Variants in STIL observed in about 807,000 individuals in gnomAD.
STIL encodes the protein SCL-interrupting locus protein.
STIL carries 55 observed loss-of-function variants against 110.1 expected under a neutral mutation model. That is an observed-to-expected ratio of 0.50 (90% confidence interval 0.40 to 0.63). The LOEUF (loss-of-function observed/expected upper bound fraction) is 0.63. STIL is among the 20% of genes least tolerant of loss of function. The probability of loss-of-function intolerance (pLI) is 0.00; values close to 1 mark genes in which losing one functional copy is unlikely to be tolerated. For synonymous variants in STIL, 481 were observed against 530.0 expected, an observed-to-expected ratio of 0.91 and a Z score of 1.27; for missense variants, 1,358 against 1,530.0, an observed-to-expected ratio of 0.89 and a Z score of 1.87.
At chr1:47,252,137 T>C (rs559378423) in intron 16 of STIL, among the ~76,000 whole-genome samples, 9 of 152,252 alleles carry the variant, frequency 5.9e-5, no homozygotes, top group African/African-American at 1.7e-4. Flanking sequence ...TCCCAGCAGA[T>C]TGGGGCACTG....
At chr1:47,277,869 G>T (rs1016983264) in intron 12 of STIL, among the ~76,000 whole-genome samples, 2 of 151,480 alleles carry the variant, frequency 1.3e-5, no homozygotes, top group Admixed American at 6.6e-5. Context: ...AAAAACAAAA[G>T]AACTCCATAC....
At chr1:47,294,293 T>C (rs1645578833) in intron 7 of STIL, among the ~76,000 whole-genome samples, 1 of 152,230 alleles carries the variant, frequency 6.6e-6, no homozygotes, top group African/African-American at 2.4e-5. Flanking sequence ...ATATACTTTA[T>C]TTTTCTGTGT....
At chr1:47,252,173 G>A (rs1324627425) in intron 16 of STIL, among the ~76,000 whole-genome samples, 1 of 152,172 alleles carries the variant, frequency 6.6e-6, no homozygotes, top group Non-Finnish European at 1.5e-5. Context: ...TTGAAGCCAG[G>A]AGTTCAAGAT....
Position 47,260,354 on chromosome 1 carries a change from G to A in STIL, c.3015C>T (p.Ser1005=). 1 of 1,613,932 alleles carries A rather than the reference G, an allele frequency of 6.2e-7. No homozygotes were observed. Among genetic ancestry groups the A allele is most frequent in the Non-Finnish European group, 8.5e-7 (1 of 1,179,938 alleles). Residue 1005 remains serine (S), a synonymous_variant, in exon 16 of 17, where the codon AGC becomes AGT. Transcript: ENST00000371877. ...TGGGAGAATCAATTTTTACTCCAAG[G>A]CTTCTTAGTTGCTTAAGAGTTGCAT... ...VLNATLKQLR[S]LGVKIDSPTK... is the part of the protein sequence containing the mutation.
At chr1:47,295,960 G>A (rs568318031) in intron 6 of STIL, 112 bp from the exon 7 acceptor site, 12 of 796,906 alleles carry the variant, frequency 1.5e-5, no homozygotes, top group East Asian at 8.0e-5. Flanking sequence ...TCAAATGAAC[G>A]TTGTCTTGCA....
At chr1:47,263,744 GTTTTTTTTTTTTT>G (rs60915271) in intron 14 of STIL, among the ~76,000 whole-genome samples, 1 of 98,308 alleles carries the variant, frequency 1.0e-5, no homozygotes, top group Admixed American at 1.2e-4. Context: ...TTCATTCCAA[GTTTTTTTTTTTTT>G]TTTTTTTTTT....
intron 10 of STIL, 156 bp from the exon 11 acceptor site, chr1:47,282,615 G>A: frequency 1.6e-6 from 1 of 607,528 alleles, no homozygotes; most frequent in Non-Finnish European, 2.9e-6. Context: ...TCAGGCCAGT[G>A]TTAGTTGACC....
At chr1:47,283,272 G>A (rs1645200959) in intron 10 of STIL, 1 of 152,202 alleles carries the variant, frequency 6.6e-6, no homozygotes, top group Admixed American at 6.5e-5. Context: ...AACAGCAGAA[G>A]AGACCTTTTG....
At chr1:47,303,990 G>C (rs1420040646) in intron 3 of STIL, among the ~76,000 whole-genome samples, 2 of 152,036 alleles carry the variant, frequency 1.3e-5, no homozygotes, top group Admixed American at 1.3e-4. Context: ...TTGCTTTACA[G>C]AGTCTTATTT....
chr1:47,285,970 G>A (rs1371070849), intron 10 of STIL, among the ~76,000 whole-genome samples: 1 of 151,872 alleles, frequency 6.6e-6, no homozygotes, highest in Non-Finnish European at 1.5e-5. Flanking sequence ...TGCCTCCCGG[G>A]TTCAAGCGAT....
intron 7 of STIL, 107 bp downstream of exon 7, chr1:47,295,658 G>T: frequency 2.6e-6 from 2 of 784,026 alleles, no homozygotes; most frequent in Non-Finnish European, 2.1e-6. Flanking sequence ...TTATCTTTGT[G>T]GCTTTATAAA....
At chr1:47,295,670 T>C (rs1015774513) in intron 7 of STIL, 95 bp downstream of exon 7, 7 of 851,070 alleles carry the variant, frequency 8.2e-6, no homozygotes, top group Non-Finnish European at 1.4e-5. Flanking sequence ...CTTTATAAAA[T>C]GATCTAAATA....
intron 13 of STIL, among the ~76,000 whole-genome samples, chr1:47,271,684 T>C (rs1042060540): frequency 2.6e-5 from 4 of 151,826 alleles, no homozygotes; most frequent in African/African-American, 9.7e-5. Context: ...CTCACGCCTG[T>C]AATCCCAACA....
In STIL at chr1:47,272,064, A is replaced by T; in HGVS notation, c.2383+12T>A. On this transcript the variant is annotated intron_variant, in intron 13 of 16. Transcript: ENST00000371877. ...ACAATTTCCTTACAAATTAAAAAAA[A>T]ACTGAAATTACCTGTGCTCACAGCA... is the stretch of plus-strand genomic sequence containing the variant. The T allele has an allele frequency of 1.9e-6, 3 of 1,613,194 alleles. No individual in the cohort carries two copies. Among genetic ancestry groups the T allele is most frequent in the Non-Finnish European group, 2.5e-6 (3 of 1,179,586 alleles).
intron 2 of STIL, among the ~76,000 whole-genome samples, chr1:47,308,457 G>C (rs1357131378): frequency 6.6e-6 from 1 of 151,488 alleles, no homozygotes; most frequent in East Asian, 1.9e-4. Flanking sequence ...CCTGTCATTT[G>C]CAACAACATG....
At chr1:47,296,539 G>A (rs989878528) in intron 6 of STIL, among the ~76,000 whole-genome samples, 4 of 151,976 alleles carry the variant, frequency 2.6e-5, no homozygotes, top group South Asian at 2.1e-4. Flanking sequence ...GGTGGCTCAC[G>A]CTTACTGTAA....
chr1:47,301,659 G>T lies in STIL; in HGVS notation c.355C>A (p.Pro119Thr), dbSNP rs1312334832. ...CLEITPTASL[P>T]GDFLIPCKVH... ...TTGCATGGAATCAAAAAGTCCCCAG[G>T]AAGAGAAGCAGTAGGGGTTATTTCT... Residue 119 changes from proline to threonine, a missense_variant, in exon 5 of 17, where the codon CCT (proline) becomes ACT (threonine). By Grantham distance (38) the Pro-to-Thr change is conservative (BLOSUM62 -1). Transcript: ENST00000371877. 1.2e-6 allele frequency: 2 copies of T among 1,613,950 alleles called. No homozygotes were observed. Among genetic ancestry groups the T allele is most frequent in the East Asian group, 4.5e-5 (2 of 44,858 alleles).
Position 47,280,259 on chromosome 1 carries a change from T to C in STIL, c.2199A>G (p.Leu733=), listed in dbSNP as rs1645117620. ...YRFLTEQDRQ[L]RLLQAQIQRL... ...AGCAAACCTGTGCCTGAAGTAGTCT[T>C]AGCTGTCTGTCTTGTTCTGTGAGGA... Residue 733 remains leucine, a synonymous_variant, in exon 12 of 17, where the codon CTA becomes CTG. Transcript: ENST00000371877. The C allele has an allele frequency of 1.2e-6, 2 of 1,614,128 alleles. No individual in the cohort carries two copies. Among genetic ancestry groups the C allele is most frequent in the Non-Finnish European group, 1.7e-6 (2 of 1,180,054 alleles).
chr1:47,270,291 CACAA>C (rs1412787403), intron 13 of STIL, among the ~76,000 whole-genome samples: 2 of 149,104 alleles, frequency 1.3e-5, no homozygotes. Context: ...CACACACACA[CACAA>C]TTACTTAGAA....
Sources: allele counts gnomAD v4.1 joint callset (sites outside exome capture counted in the v4.1 genomes callset), GRCh38; gene constraint gnomAD v4.1.1; transcripts MANE v1.5; gene names NCBI Gene and HGNC (gene_info 2026-07-23, HGNC 2026-07-21).